Variants in RBFOX2 observed in about 807,000 individuals in gnomAD.
RBFOX2 encodes RNA binding fox-1 homolog 2.
A neutral mutation model predicts 49.1 loss-of-function variants in RBFOX2; 10 were observed. The observed-to-expected ratio is 0.20, with a 90% confidence interval of 0.13 to 0.35. The LOEUF is 0.35. Ranked by LOEUF, RBFOX2 falls within the 10% of genes least tolerant of loss-of-function variation. The probability of loss-of-function intolerance (pLI) is 1.00; values close to 1 mark genes in which losing one functional copy is unlikely to be tolerated. For missense variants in RBFOX2, 323 were observed against 486.9 expected (o/e 0.66, Z 3.17); for synonymous variants, 183 against 187.4 (o/e 0.98, Z 0.19).
At chr22:35,929,511 A>C (rs920154737) in intron 1 of RBFOX2, among the ~76,000 whole-genome samples, 4 of 150,840 alleles carry the variant, frequency 2.7e-5, no homozygotes, top group Non-Finnish European at 4.4e-5. Flanking sequence ...ATTATTTAGC[A>C]AAAAAAAATA....
chr22:36,028,786 C>T (rs1400081526), exon 1 of RBFOX2, among the ~76,000 whole-genome samples: 1 of 151,990 alleles, frequency 6.6e-6, no homozygotes, highest in African/African-American at 2.4e-5. Flanking sequence ...TCACACTCTC[C>T]CTCACAGCAC....
intron 2 of RBFOX2, among the ~76,000 whole-genome samples, chr22:35,805,991 G>A (rs954612104): frequency 6.6e-6 from 1 of 152,058 alleles, no homozygotes; most frequent in African/African-American, 2.4e-5. Flanking sequence ...GAGGAGAGAG[G>A]GATAAACAAG....
chr22:35,993,180 A>C (rs1028162721), intron 1 of RBFOX2: 1 of 152,214 alleles, frequency 6.6e-6, no homozygotes, highest in African/African-American at 2.4e-5. Flanking sequence ...TTTGCGCCTC[A>C]AAAGGACCAT....
intron 1 of RBFOX2, chr22:35,999,268 AAAAAAT>A (rs1283070116): frequency 1.6e-4 from 25 of 152,008 alleles, no homozygotes; most frequent in African/African-American, 5.8e-4. Context: ...AATGAATCTT[AAAAAAT>A]AAGTGATGAC....
chr22:35,919,493 A>G (rs750156163), intron 1 of RBFOX2, among the ~76,000 whole-genome samples: 4 of 151,870 alleles, frequency 2.6e-5, no homozygotes, highest in African/African-American at 4.8e-5. Context: ...AGATCATGCT[A>G]CTGCACTCCA....
intron 2 of RBFOX2, among the ~76,000 whole-genome samples, chr22:35,789,413 C>T (rs750210286): frequency 3.3e-5 from 5 of 151,904 alleles, no homozygotes; most frequent in Admixed American, 6.6e-5. Flanking sequence ...CGTGGTGGTG[C>T]GCGCCTGTAA....
At chr22:36,019,197 T>A (rs1353664365) in intron 1 of RBFOX2, among the ~76,000 whole-genome samples, 2 of 151,944 alleles carry the variant, frequency 1.3e-5, no homozygotes, top group Non-Finnish European at 2.9e-5. Flanking sequence ...GAAATCCACA[T>A]CCCCCCTGCA....
At chr22:35,788,493 T>C (rs1189599698) in intron 2 of RBFOX2, among the ~76,000 whole-genome samples, 1 of 152,176 alleles carries the variant, frequency 6.6e-6, no homozygotes, top group Non-Finnish European at 1.5e-5. Context: ...GCACAGTAAA[T>C]TTTTTGAGAA....
chr22:35,948,448 C>G (rs2054558522), intron 1 of RBFOX2, among the ~76,000 whole-genome samples: 1 of 152,132 alleles, frequency 6.6e-6, no homozygotes, highest in Admixed American at 6.6e-5. Context: ...CCTGTAATCT[C>G]AGCACTTTGG....
At chr22:35,881,080 T>C (rs778616377) in intron 1 of RBFOX2, among the ~76,000 whole-genome samples, 3 of 148,174 alleles carry the variant, frequency 2.0e-5, no homozygotes, top group Non-Finnish European at 4.5e-5. Flanking sequence ...CTGGCTAACA[T>C]GGTGAAACCC....
chr22:35,953,680 C>T (rs1364398676), intron 1 of RBFOX2, among the ~76,000 whole-genome samples: 2 of 152,232 alleles, frequency 1.3e-5, no homozygotes, highest in East Asian at 3.9e-4. Flanking sequence ...CCTCCATTAA[C>T]ATTTTTTTTA....
intron 1 of RBFOX2, chr22:35,995,314 A>G (rs774206130): frequency 6.6e-6 from 1 of 152,198 alleles, no homozygotes. Flanking sequence ...AAATGGGGAA[A>G]AACACTGAGT....
At chr22:35,883,753 C>T (rs1251165940) in intron 1 of RBFOX2, among the ~76,000 whole-genome samples, 1 of 152,194 alleles carries the variant, frequency 6.6e-6, no homozygotes, top group Non-Finnish European at 1.5e-5. Flanking sequence ...CTGCTTTCCA[C>T]AACTATAAAT....
At chr22:35,797,143 T>A (rs1569151600) in intron 2 of RBFOX2, among the ~76,000 whole-genome samples, 3 of 152,298 alleles carry the variant, frequency 2.0e-5, no homozygotes, top group Admixed American at 6.5e-5. Context: ...CCTTATACAC[T>A]CTTCAAACAT....
At chr22:35,936,706 T>C (rs1201871490) in intron 1 of RBFOX2, among the ~76,000 whole-genome samples, 3 of 152,130 alleles carry the variant, frequency 2.0e-5, no homozygotes, top group Non-Finnish European at 4.4e-5. Context: ...GCATGAGTAA[T>C]GAATGTGCAG....
At chr22:35,946,059 C>A (rs1316813126) in intron 1 of RBFOX2, among the ~76,000 whole-genome samples, 1 of 152,028 alleles carries the variant, frequency 6.6e-6, no homozygotes, top group Admixed American at 6.6e-5. Context: ...AAATCTGATA[C>A]AGGATTTACT....
intron 1 of RBFOX2, among the ~76,000 whole-genome samples, chr22:36,020,649 T>TC (rs2059209036): frequency 6.6e-6 from 1 of 152,194 alleles, no homozygotes; most frequent in African/African-American, 2.4e-5. Flanking sequence ...GAAAAAATGC[T>TC]CATCATCACT....
intron 1 of RBFOX2, among the ~76,000 whole-genome samples, chr22:35,905,818 A>G (rs1290579222): frequency 9.2e-5 from 14 of 152,182 alleles, no homozygotes; most frequent in Middle Eastern, 3.2e-3. Context: ...GCAATGTTTC[A>G]GTCAATGATG....
At chr22:35,765,386 A>G in intron 6 of RBFOX2, 37 bp downstream of exon 7, 1 of 1,405,624 alleles carries the variant, frequency 7.1e-7, no homozygotes, top group Non-Finnish European at 9.9e-7. Context: ...ATATTTACAC[A>G]AGAATAAACA....
Sources: allele counts gnomAD v4.1 joint callset (sites outside exome capture counted in the v4.1 genomes callset), GRCh38; gene constraint gnomAD v4.1.1; transcripts MANE v1.5; gene names NCBI Gene and HGNC (gene_info 2026-07-23, HGNC 2026-07-21).